The following UGT1A8 variants were observed in gnomAD, a reference collection of about 807,000 sequenced individuals.
UGT1A8 encodes UDP-glucuronosyltransferase 1A8.
Under a neutral mutation model 45.3 loss-of-function variants are expected in UGT1A8, and 39 were observed. The ratio of observed to expected loss-of-function variants is 0.86; its 90% CI spans 0.67 to 1.12. UGT1A8 has a LOEUF of 1.12. Ranked by LOEUF, UGT1A8 falls within the 50% of genes most tolerant of loss-of-function variation. The pLI is 0.00. For missense variants in UGT1A8, 719 were observed against 664.9 expected (o/e 1.08, Z -0.90); for synonymous variants, 275 against 249.2 (o/e 1.10, Z -0.97).
chr2:233,712,762 A>G (rs934056553), intron 1 of UGT1A8, among the ~76,000 whole-genome samples: 48 of 152,180 alleles, frequency 3.2e-4, no homozygotes, highest in Admixed American at 2.4e-3. Flanking sequence ...AGCGAGCGCA[A>G]GGTCAGATGA....
chr2:233,627,561 G>A (rs1356939862), intron 1 of UGT1A8, among the ~76,000 whole-genome samples: 1 of 151,920 alleles, frequency 6.6e-6, no homozygotes, highest in Non-Finnish European at 1.5e-5. Context: ...AAAAATGCAA[G>A]GTTTGGCTCC....
At chr2:233,760,958 A>T (rs976503144) in intron 1 of UGT1A8, 1 of 1,614,176 alleles carries the variant, frequency 6.2e-7, no homozygotes, top group African/African-American at 1.3e-5. Flanking sequence ...TTTCTGTGCG[A>T]CGTGGTTTAT....
Position 233,772,318 on chromosome 2 carries a change from C to G in UGT1A8, c.1352C>G (p.Pro451Arg). The change falls in exon 5 of 5, where the codon CCG (proline) becomes CGG (arginine). Residue 451 changes from proline to arginine, a missense_variant. Physicochemically the swap from Pro to Arg is moderately radical, Grantham distance 103. Coordinates refer to ENST00000373450, the MANE Select transcript of UGT1A8 (RefSeq NM_019076.5). ...CTTCACAAGGACCGCCCGGTGGAGC[C>G]GCTGGACCTGGCCGTGTTCTGGGTG... The part of the protein sequence containing the change: ...SSLHKDRPVE[P>R]LDLAVFWVEF... 1 of 1,614,230 alleles carries G rather than the reference C, an allele frequency of 6.2e-7. No individual in the cohort carries two copies.
At chr2:233,748,116 G>A in intron 1 of UGT1A8, 1 of 1,611,622 alleles carries the variant, frequency 6.2e-7, no homozygotes, top group Admixed American at 1.7e-5. Flanking sequence ...AATGTTCCAG[G>A]CAAAACAGTT....
intron 1 of UGT1A8, chr2:233,719,820 C>T: frequency 6.4e-7 from 1 of 1,571,828 alleles, no homozygotes; most frequent in Non-Finnish European, 8.6e-7. Flanking sequence ...AACAGATAAA[C>T]TGTTGAGGGG....
At chr2:233,674,527 C>T (rs2074287954) in intron 1 of UGT1A8, among the ~76,000 whole-genome samples, 1 of 152,040 alleles carries the variant, frequency 6.6e-6, no homozygotes, top group East Asian at 1.9e-4. Context: ...ACAGCGTCAC[C>T]CAGAGGCCTT....
chr2:233,620,374 C>T (rs1261634204), intron 1 of UGT1A8, among the ~76,000 whole-genome samples: 1 of 152,172 alleles, frequency 6.6e-6, no homozygotes, highest in Non-Finnish European at 1.5e-5. Context: ...TTGCCTGCAC[C>T]CTACACCCTT....
Position 233,668,685 on chromosome 2 carries a change from G to A in UGT1A8, c.855+50123G>A, listed in dbSNP as rs139593882. ...ACACTCCCACCAACAGGGTAAAAGC[G>A]TTCCTATTTCTCCACATCTTCTCTA... On this transcript the variant is annotated intron_variant, in intron 1 of 4. Coordinates refer to ENST00000373450, the MANE Select transcript of UGT1A8 (RefSeq NM_019076.5). 8.3e-3 allele frequency among the ~76,000 whole-genome samples: 1,260 copies of A among 152,312 alleles called. 9 individuals are homozygous for A. The highest frequency in any genetic ancestry group is 0.028 in the African/African-American group (1,181 of 41,576).
At chr2:233,724,616 A>G (rs1272426600) in intron 1 of UGT1A8, among the ~76,000 whole-genome samples, 3 of 132,176 alleles carry the variant, frequency 2.3e-5, no homozygotes, top group Non-Finnish European at 4.8e-5. Flanking sequence ...CCGGGCAGAG[A>G]CGCTCCTCAC....
At chr2:233,721,058 T>A (rs1412499467) in intron 1 of UGT1A8, among the ~76,000 whole-genome samples, 2 of 152,122 alleles carry the variant, frequency 1.3e-5, no homozygotes, top group African/African-American at 4.8e-5. Flanking sequence ...TTTGTCATAT[T>A]CACTGAATTT....
intron 1 of UGT1A8, among the ~76,000 whole-genome samples, chr2:233,752,997 A>G (rs1695105472): frequency 6.6e-6 from 1 of 151,602 alleles, no homozygotes. Context: ...CACTCATTCT[A>G]TCCTACCCAG....
intron 4 of UGT1A8, among the ~76,000 whole-genome samples, chr2:233,768,995 A>C (rs771127427): frequency 6.6e-6 from 1 of 152,124 alleles, no homozygotes; most frequent in Admixed American, 6.5e-5. Context: ...CCCCCATTAG[A>C]TTTAAAACTC....
At chr2:233,714,756 T>TA (rs1222737910) in intron 1 of UGT1A8, among the ~76,000 whole-genome samples, 1 of 152,230 alleles carries the variant, frequency 6.6e-6, no homozygotes, top group Non-Finnish European at 1.5e-5. Flanking sequence ...ATTTGACACT[T>TA]ACAGTATATC....
chr2:233,732,771 T>G (rs74968543), intron 1 of UGT1A8, among the ~76,000 whole-genome samples: 78 of 146,658 alleles, frequency 5.3e-4, no homozygotes, highest in Admixed American at 6.8e-5. Flanking sequence ...TTTTTTTTTT[T>G]GCTTAGGATT....
chr2:233,636,248 T>G (rs2073287161), intron 1 of UGT1A8, among the ~76,000 whole-genome samples: 1 of 141,474 alleles, frequency 7.1e-6, no homozygotes, highest in African/African-American at 2.7e-5. Context: ...TGAATAATTC[T>G]GTTTCTAAAC....
chr2:233,713,010 G>A (rs778526502), intron 1 of UGT1A8: 3 of 1,613,638 alleles, frequency 1.9e-6, no homozygotes, highest in Non-Finnish European at 2.5e-6. Context: ...AGGACTCCAG[G>A]TTCCCCTGCC....
chr2:233,756,867 A>G (rs1696345669), intron 1 of UGT1A8, among the ~76,000 whole-genome samples: 1 of 152,076 alleles, frequency 6.6e-6, no homozygotes, highest in African/African-American at 2.4e-5. Flanking sequence ...CATAAAGGGT[A>G]TTAGGTGTAA....
chr2:233,661,835 T>A (rs1390572929), intron 1 of UGT1A8, among the ~76,000 whole-genome samples: 2 of 151,986 alleles, frequency 1.3e-5, no homozygotes, highest in African/African-American at 2.4e-5. Flanking sequence ...GAGGCATCAC[T>A]AGCGACACTT....
intron 1 of UGT1A8, among the ~76,000 whole-genome samples, chr2:233,646,809 A>G (rs550081244): frequency 1.3e-5 from 2 of 151,956 alleles, no homozygotes; most frequent in South Asian, 4.2e-4. Flanking sequence ...AGCCCTCCAA[A>G]CTTTGCCAAC....
Sources: allele counts gnomAD v4.1 joint callset (sites outside exome capture counted in the v4.1 genomes callset), GRCh38; gene constraint gnomAD v4.1.1; transcripts MANE v1.5; gene names NCBI Gene and HGNC (gene_info 2026-07-23, HGNC 2026-07-21).